MACROD2: variants seen among roughly 807,000 people sequenced by gnomAD.
The protein encoded by MACROD2 is mono-ADP ribosylhydrolase 2, also known as ADP-ribose glycohydrolase MACROD2.
A neutral mutation model predicts 70.4 loss-of-function variants in MACROD2; 36 were observed. The ratio of observed to expected loss-of-function variants is 0.51; its 90% confidence interval spans 0.39 to 0.68. The LOEUF (loss-of-function observed/expected upper bound fraction) is 0.68, where lower values mean the gene tolerates loss of function less well. MACROD2 is among the 30% of genes least tolerant of loss of function. The probability of loss-of-function intolerance (pLI) is 0.00; values close to 1 mark genes in which losing one functional copy is unlikely to be tolerated. For missense variants in MACROD2, 496 were observed against 538.4 expected (o/e 0.92, Z 0.78); for synonymous variants, 172 against 178.8 (o/e 0.96, Z 0.30).
intron 5 of MACROD2, among the ~76,000 whole-genome samples, chr20:15,026,557 C>T (rs1347873727): frequency 6.6e-6 from 1 of 151,694 alleles, no homozygotes; most frequent in African/African-American, 2.4e-5. Context: ...ATTCAATAGC[C>T]ATGAGTAGAC....
At chr20:14,397,597 CT>C (rs1348364750) in intron 3 of MACROD2, among the ~76,000 whole-genome samples, 1 of 152,056 alleles carries the variant, frequency 6.6e-6, no homozygotes, top group Non-Finnish European at 1.5e-5. Flanking sequence ...AATCAGTTAT[CT>C]TTTTCCCTTT....
intron 8 of MACROD2, among the ~76,000 whole-genome samples, chr20:15,641,424 C>G (rs1404821221): frequency 6.6e-6 from 1 of 152,142 alleles, no homozygotes; most frequent in African/African-American, 2.4e-5. Context: ...GTAAAAGATT[C>G]ATGCCTCTAT....
chr20:16,003,029 G>C (rs1601306207), intron 15 of MACROD2, among the ~76,000 whole-genome samples: 2 of 151,718 alleles, frequency 1.3e-5, no homozygotes, highest in South Asian at 4.2e-4. Flanking sequence ...ACAAGGCACT[G>C]GGCTCGGGGC....
intron 2 of MACROD2, among the ~76,000 whole-genome samples, chr20:14,083,966 G>A (rs1276255987): frequency 2.0e-5 from 3 of 150,256 alleles, no homozygotes; most frequent in African/African-American, 7.3e-5. Context: ...AGAGGCTGAG[G>A]CAGGAGAATG....
chr20:14,432,481 C>T (rs1344102448), intron 3 of MACROD2, among the ~76,000 whole-genome samples: 3 of 149,806 alleles, frequency 2.0e-5, no homozygotes, highest in Admixed American at 6.7e-5. Context: ...GGTATGTATT[C>T]AATAAAAAAT....
chr20:14,066,279 GT>G (rs1396991658), intron 2 of MACROD2, among the ~76,000 whole-genome samples: 2 of 152,208 alleles, frequency 1.3e-5, no homozygotes, highest in East Asian at 3.9e-4. Context: ...AACACATTCT[GT>G]AATCAATCAA....
intron 3 of MACROD2, among the ~76,000 whole-genome samples, chr20:14,381,417 A>G (rs1000888785): frequency 2.0e-5 from 3 of 152,140 alleles, no homozygotes; most frequent in Non-Finnish European, 4.4e-5. Flanking sequence ...TCAAGAAAAA[A>G]ATTTCCAATG....
intron 10 of MACROD2, among the ~76,000 whole-genome samples, chr20:15,896,553 A>G (rs1271914310): frequency 7.4e-6 from 1 of 135,304 alleles, no homozygotes; most frequent in East Asian, 2.1e-4. Flanking sequence ...TTTTTTTTCT[A>G]GAAAAAACAC....
At chr20:14,435,502 T>C (rs974962604) in intron 3 of MACROD2, among the ~76,000 whole-genome samples, 5 of 152,176 alleles carry the variant, frequency 3.3e-5, no homozygotes. Context: ...TATGATATAA[T>C]ATTCTCGACC....
intron 5 of MACROD2, among the ~76,000 whole-genome samples, chr20:15,022,532 A>G (rs1298313870): frequency 1.3e-5 from 2 of 152,208 alleles, no homozygotes; most frequent in Non-Finnish European, 2.9e-5. Context: ...GACTTAGAAC[A>G]CTTGTATTCA....
chr20:16,036,863 T>C (rs958076471), intron 15 of MACROD2, among the ~76,000 whole-genome samples: 1 of 151,952 alleles, frequency 6.6e-6, no homozygotes, highest in African/African-American at 2.4e-5. Context: ...ATGCATCATA[T>C]TCACAGTGCA....
At chr20:14,071,250 G>GTGTTTT (rs2053833450) in intron 2 of MACROD2, among the ~76,000 whole-genome samples, 8 of 61,054 alleles carry the variant, frequency 1.3e-4, no homozygotes, top group Non-Finnish European at 2.3e-4. Context: ...ATTTCATCTT[G>GTGTTTT]TGTTTTTTTT....
chr20:14,819,731 A>C (rs942962010), intron 5 of MACROD2, among the ~76,000 whole-genome samples: 1 of 152,124 alleles, frequency 6.6e-6, no homozygotes, highest in African/African-American at 2.4e-5. Flanking sequence ...TGACTAAGCT[A>C]AAGTGGGAGT....
intron 4 of MACROD2, among the ~76,000 whole-genome samples, chr20:14,658,008 A>G (rs1164371893): frequency 6.6e-6 from 1 of 151,686 alleles, no homozygotes; most frequent in African/African-American, 2.4e-5. Context: ...ATTGTTAAGT[A>G]CCTGATAATT....
At chr20:14,656,001 G>T (rs6110374) in intron 4 of MACROD2, among the ~76,000 whole-genome samples, 14 of 152,202 alleles carry the variant, frequency 9.2e-5, no homozygotes, top group African/African-American at 3.4e-4. Flanking sequence ...GTCCCCTGCC[G>T]CCTTCTATAA....
chr20:14,656,668 T>C (rs1457277770), intron 4 of MACROD2, among the ~76,000 whole-genome samples: 1 of 152,092 alleles, frequency 6.6e-6, no homozygotes, highest in Non-Finnish European at 1.5e-5. Flanking sequence ...TGTCTCCGAG[T>C]TGTTGCTGGA....
chr20:15,239,758 A>C (rs923270988), intron 6 of MACROD2, among the ~76,000 whole-genome samples: 1 of 152,200 alleles, frequency 6.6e-6, no homozygotes, highest in Non-Finnish European at 1.5e-5. Context: ...AGAAGCCAGG[A>C]GAAAGAAAGA....
intron 3 of MACROD2, among the ~76,000 whole-genome samples, chr20:14,195,430 G>T (rs1262354545): frequency 6.6e-6 from 1 of 152,176 alleles, no homozygotes. Context: ...TACGGAAGGG[G>T]AGAAGGGTGT....
chr20:15,215,252 TTGTGTGTGTGTGTGTGTGTGTGTG>T (rs376439581), intron 5 of MACROD2, among the ~76,000 whole-genome samples: 9 of 135,474 alleles, frequency 6.6e-5, no homozygotes, highest in African/African-American at 2.3e-4. Context: ...CTCCTGTATT[TTGTGTGTGTGTGTGTGTGTGTGTG>T]TGTGTGTGTG....
Sources: gnomAD v4.1 joint callset for allele counts (sites outside exome capture counted in the v4.1 genomes callset) on GRCh38, gnomAD v4.1.1 for gene constraint, MANE v1.5 for transcripts, NCBI Gene and HGNC (gene_info 2026-07-23, HGNC 2026-07-21) for gene names.